The following CAMK2D variants were observed in gnomAD, a reference collection of about 807,000 sequenced individuals.
CAMK2D encodes the protein calcium/calmodulin dependent protein kinase II delta.
In CAMK2D, 37 loss-of-function variants were observed where a neutral mutation model predicts 84.0. The observed-to-expected ratio is 0.44, with a 90% CI of 0.34 to 0.58. CAMK2D has a LOEUF of 0.58. Ranked by LOEUF, CAMK2D falls within the 20% of genes least tolerant of loss-of-function variation. The pLI is 0.02. For synonymous variants in CAMK2D, 202 were observed against 212.5 expected (o/e 0.95, Z 0.43); for missense variants, 448 against 652.5 (o/e 0.69, Z 3.41).
chr4:113,703,787 A>G (rs1216200782), intron 2 of CAMK2D, among the ~76,000 whole-genome samples: 2 of 152,224 alleles, frequency 1.3e-5, no homozygotes, highest in African/African-American at 2.4e-5. Context: ...GAATAACACT[A>G]CAACTGGATA....
chr4:113,606,496 G>GA (rs112614438), intron 4 of CAMK2D, among the ~76,000 whole-genome samples: 16,243 of 126,366 alleles, frequency 0.13, 2,877 homozygotes, highest in African/African-American at 0.4. Context: ...CTCTGTCTCA[G>GA]AAAAAAAAAA....
intron 4 of CAMK2D, among the ~76,000 whole-genome samples, chr4:113,568,118 C>T (rs997549362): frequency 3.3e-5 from 5 of 152,126 alleles, no homozygotes; most frequent in African/African-American, 1.2e-4. Context: ...ATGAAATTTA[C>T]TCCTTAAAAA....
intron 2 of CAMK2D, among the ~76,000 whole-genome samples, chr4:113,671,763 C>T (rs2099286960): frequency 6.6e-6 from 1 of 152,198 alleles, no homozygotes; most frequent in African/African-American, 2.4e-5. Flanking sequence ...GATGTTGACA[C>T]ACCAGAGGTG....
chr4:113,561,820 G>C (rs968721907), intron 4 of CAMK2D, among the ~76,000 whole-genome samples: 2 of 152,122 alleles, frequency 1.3e-5, no homozygotes, highest in African/African-American at 4.8e-5. Context: ...ATTGTTTCTA[G>C]GTTTAACATT....
chr4:113,616,935 AG>A (rs1446819782), intron 3 of CAMK2D, among the ~76,000 whole-genome samples: 3 of 152,180 alleles, frequency 2.0e-5, no homozygotes, highest in East Asian at 1.9e-4. Flanking sequence ...TTTTCTAAAA[AG>A]GTAATTTCAT....
chr4:113,545,418 C>T (rs2098558390), intron 6 of CAMK2D, among the ~76,000 whole-genome samples: 1 of 151,976 alleles, frequency 6.6e-6, no homozygotes, highest in Admixed American at 6.6e-5. Context: ...AGTATATGGA[C>T]ACAAAAATAA....
intron 2 of CAMK2D, among the ~76,000 whole-genome samples, chr4:113,747,600 C>T (rs2099607529): frequency 1.3e-5 from 2 of 152,058 alleles, no homozygotes; most frequent in Non-Finnish European, 1.5e-5. Context: ...TAGGAACTAC[C>T]TTTTAAAGTA....
intron 2 of CAMK2D, among the ~76,000 whole-genome samples, chr4:113,712,062 T>C (rs905297679): frequency 2.0e-5 from 3 of 152,166 alleles, no homozygotes. Context: ...CTTCCACTTT[T>C]AGAAATTCAT....
At chr4:113,587,774 T>A (rs1356095605) in intron 4 of CAMK2D, among the ~76,000 whole-genome samples, 1 of 152,172 alleles carries the variant, frequency 6.6e-6, no homozygotes. Context: ...TTGCAATTCC[T>A]ATGGCATGAG....
At position 113,454,639 on chromosome 4, in the gene CAMK2D, A is replaced by C. The variant is rs531444983; in HGVS notation, c.*30-124T>G. On this transcript the variant is annotated intron_variant, in intron 20 of 20. Coordinates refer to ENST00000511664, the MANE Select transcript of CAMK2D (RefSeq NM_001321571.2). ...CTTGGCTAACAAATAGATTGAAAACACTATGTATAAGAGATGTTTGCTTGT... is the reference window on the plus strand; with the variant it reads ...CTTGGCTAACAAATAGATTGAAAACCCTATGTATAAGAGATGTTTGCTTGT... The C allele has an allele frequency of 6.1e-6, 4 of 656,254 alleles. No homozygotes were observed. In the East Asian group the frequency reaches 1.1e-4, roughly 18 times the overall value. 40.7% of individuals were successfully genotyped at this position (656,254 alleles called of 1,614,324 possible). A position where few individuals can be genotyped will look rare whatever the true frequency, so the allele number is the denominator to read the frequency against.
intron 3 of CAMK2D, among the ~76,000 whole-genome samples, chr4:113,645,562 A>C (rs1292675872): frequency 1.3e-5 from 2 of 152,124 alleles, no homozygotes; most frequent in African/African-American, 2.4e-5. Flanking sequence ...GAGATAACCA[A>C]CCTTTCTCTT....
intron 4 of CAMK2D, among the ~76,000 whole-genome samples, chr4:113,577,197 G>C (rs1490632995): frequency 6.6e-6 from 1 of 152,144 alleles, no homozygotes; most frequent in South Asian, 2.1e-4. Flanking sequence ...GATGCGTAAA[G>C]AATTCTTTCC....
chr4:113,531,570 C>G (rs2098458487), intron 7 of CAMK2D, among the ~76,000 whole-genome samples: 5 of 152,116 alleles, frequency 3.3e-5, no homozygotes, highest in Admixed American at 3.3e-4. Flanking sequence ...ACTGTGTATA[C>G]TTAAGGCCAC....
chr4:113,591,711 T>C (rs2098886462), intron 4 of CAMK2D, among the ~76,000 whole-genome samples: 1 of 152,212 alleles, frequency 6.6e-6, no homozygotes. Context: ...TTAAATGTAA[T>C]AGCTCATCCA....
chr4:113,717,174 G>A (rs1487448096), intron 2 of CAMK2D, among the ~76,000 whole-genome samples: 1 of 152,034 alleles, frequency 6.6e-6, no homozygotes, highest in Non-Finnish European at 1.5e-5. Flanking sequence ...AGAGGGAAAG[G>A]CAGATGTCTC....
chr4:113,739,549 T>C (rs2099588266), intron 2 of CAMK2D, among the ~76,000 whole-genome samples: 1 of 152,168 alleles, frequency 6.6e-6, no homozygotes, highest in Non-Finnish European at 1.5e-5. Context: ...AAAAAGTCTA[T>C]GATACAAATA....
intron 6 of CAMK2D, among the ~76,000 whole-genome samples, chr4:113,540,448 T>C (rs1590933712): frequency 6.6e-6 from 1 of 152,192 alleles, no homozygotes; most frequent in African/African-American, 2.4e-5. Context: ...GCTAGCTGAC[T>C]ATGGACCACA....
At chr4:113,679,229 C>T (rs1455509739) in intron 2 of CAMK2D, among the ~76,000 whole-genome samples, 1 of 152,012 alleles carries the variant, frequency 6.6e-6, no homozygotes, top group Non-Finnish European at 1.5e-5. Flanking sequence ...TGCTAAAGAG[C>T]TCATTAAACT....
intron 2 of CAMK2D, among the ~76,000 whole-genome samples, chr4:113,750,607 C>G (rs1256197174): frequency 6.6e-6 from 1 of 152,198 alleles, no homozygotes; most frequent in Admixed American, 6.5e-5. Flanking sequence ...TAAAACTTAT[C>G]AAGTTGCCCA....
Sources: allele counts gnomAD v4.1 joint callset (sites outside exome capture counted in the v4.1 genomes callset), GRCh38; gene constraint gnomAD v4.1.1; transcripts MANE v1.5; gene names NCBI Gene and HGNC (gene_info 2026-07-23, HGNC 2026-07-21).